DYM: variants seen among roughly 807,000 people sequenced by gnomAD.
DYM encodes the protein dymeclin.
DYM carries 78 observed loss-of-function variants against 93.1 expected under a neutral mutation model. The ratio of observed to expected loss-of-function variants is 0.84; its 90% CI spans 0.70 to 1.01. The LOEUF is 1.01. Among genes scored for constraint, DYM ranks in the 50% least tolerant of loss-of-function variants. The pLI, the probability that DYM is intolerant of heterozygous loss-of-function variation, is 0.00. For missense variants in DYM, 789 were observed against 845.0 expected (o/e 0.93, Z 0.82); for synonymous variants, 321 against 319.7 (o/e 1.00, Z -0.04).
intron 16 of DYM, among the ~76,000 whole-genome samples, chr18:49,108,874 A>G (rs1286670623): frequency 6.6e-6 from 1 of 152,100 alleles, no homozygotes; most frequent in Non-Finnish European, 1.5e-5. Context: ...TTTTTATTTC[A>G]TGCATTTCGA....
intron 15 of DYM, among the ~76,000 whole-genome samples, chr18:49,133,088 AATG>A (rs1355870807): frequency 1.3e-5 from 2 of 152,196 alleles, no homozygotes; most frequent in African/African-American, 4.8e-5. Flanking sequence ...AAAAATAACA[AATG>A]ATTATAATTC....
intron 6 of DYM, among the ~76,000 whole-genome samples, chr18:49,354,798 G>A (rs996919672): frequency 3.3e-5 from 5 of 152,108 alleles, no homozygotes; most frequent in African/African-American, 1.2e-4. Flanking sequence ...AGGATGTGGA[G>A]CAATAGGAAC....
At chr18:49,425,398 A>T (rs1303073280) in intron 2 of DYM, among the ~76,000 whole-genome samples, 2 of 152,190 alleles carry the variant, frequency 1.3e-5, no homozygotes, top group Non-Finnish European at 2.9e-5. Flanking sequence ...TTAATTCAAG[A>T]TGGATTAAAG....
chr18:49,366,730 C>G (rs2066549232), intron 5 of DYM, among the ~76,000 whole-genome samples: 1 of 152,198 alleles, frequency 6.6e-6, no homozygotes, highest in African/African-American at 2.4e-5. Flanking sequence ...TCTATAAGAT[C>G]ATATTAACAG....
intron 9 of DYM, 62 bp from the exon 10 acceptor site, chr18:49,282,237 T>C (rs1425565303): frequency 2.8e-6 from 4 of 1,417,456 alleles, no homozygotes; most frequent in Non-Finnish European, 4.0e-6. Flanking sequence ...ATAAAAATAT[T>C]GTTAAAGTAA....
intron 15 of DYM, among the ~76,000 whole-genome samples, chr18:49,147,063 T>G (rs902500009): frequency 1.1e-4 from 16 of 152,052 alleles, no homozygotes; most frequent in Non-Finnish European, 1.8e-4. Context: ...CTATCTGATC[T>G]TTGACAAACC....
At position 49,080,098 on chromosome 18, in the gene DYM, G is replaced by A. The variant is rs529363992; in HGVS notation, c.2025+17304C>T. The stretch of plus-strand genomic sequence containing the variant: ...CCCTCACCTCCCGGACGGGGCGGCT[G>A]GCCGGGCGGGGGGCTGACCCCCCCA... On this transcript the variant is annotated intron_variant, in intron 17 of 17. Coordinates refer to ENST00000675505, the MANE Select transcript of DYM (RefSeq NM_001353214.3). Among the ~76,000 whole-genome samples, 544 of 139,746 alleles carry A rather than the reference G, an allele frequency of 3.9e-3. 2 individuals carry two copies. The highest frequency in any genetic ancestry group is 5.9e-3 in the Non-Finnish European group (376 of 63,564). 91.7% of individuals were successfully genotyped at this position (139,746 alleles called of 152,430 possible).
At chr18:49,316,102 T>C (rs2061916495) in intron 8 of DYM, among the ~76,000 whole-genome samples, 1 of 152,138 alleles carries the variant, frequency 6.6e-6, no homozygotes, top group Non-Finnish European at 1.5e-5. Context: ...GCCAACACAG[T>C]GAAATCCCAT....
At chr18:49,289,372 C>A (rs1418633686) in intron 8 of DYM, among the ~76,000 whole-genome samples, 1 of 31,112 alleles carries the variant, frequency 3.2e-5, no homozygotes, top group Non-Finnish European at 7.1e-5. Flanking sequence ...ACATGCATAA[C>A]AAAAGGATTT....
chr18:49,153,451 T>C (rs920095093), intron 15 of DYM, among the ~76,000 whole-genome samples: 1 of 152,168 alleles, frequency 6.6e-6, no homozygotes, highest in Non-Finnish European at 1.5e-5. Flanking sequence ...AATTTCATGA[T>C]CCTCCTGGAG....
intron 16 of DYM, among the ~76,000 whole-genome samples, chr18:49,105,509 A>G (rs1391487171): frequency 1.3e-5 from 2 of 152,082 alleles, no homozygotes; most frequent in Non-Finnish European, 2.9e-5. Context: ...TAGGGTGTCA[A>G]TTTTAGATCT....
intron 13 of DYM, among the ~76,000 whole-genome samples, chr18:49,217,678 A>G (rs953774121): frequency 6.6e-6 from 1 of 152,208 alleles, no homozygotes; most frequent in African/African-American, 2.4e-5. Context: ...AAGGAGAAAT[A>G]AAATCCTTTA....
chr18:49,046,637 C>T (rs1296846280), intron 17 of DYM, among the ~76,000 whole-genome samples: 1 of 152,184 alleles, frequency 6.6e-6, no homozygotes, highest in Non-Finnish European at 1.5e-5. Context: ...TAGTAGCTCA[C>T]GCCTGTAATC....
intron 16 of DYM, among the ~76,000 whole-genome samples, chr18:49,104,398 C>G (rs1161869789): frequency 1.3e-5 from 2 of 152,098 alleles, no homozygotes; most frequent in Admixed American, 1.3e-4. Flanking sequence ...ATTGAATATC[C>G]TTTATTTCCT....
chr18:49,330,815 C>A (rs2063253153), intron 8 of DYM, among the ~76,000 whole-genome samples: 1 of 152,200 alleles, frequency 6.6e-6, no homozygotes, highest in Non-Finnish European at 1.5e-5. Context: ...AGAATCTATG[C>A]AGGTGTGGCA....
intron 2 of DYM, among the ~76,000 whole-genome samples, chr18:49,399,934 CTTTTT>C (rs1201370040): frequency 3.9e-4 from 26 of 66,134 alleles, no homozygotes; most frequent in Non-Finnish European, 4.9e-4. Context: ...TTTTATTTTT[CTTTTT>C]TTTTTTTTTT....
At chr18:49,052,894 A>C (rs541592251) in intron 17 of DYM, among the ~76,000 whole-genome samples, 5 of 152,350 alleles carry the variant, frequency 3.3e-5, no homozygotes, top group Admixed American at 1.3e-4. Flanking sequence ...TGGCTGGCAC[A>C]GGGCAGGGCA....
intron 16 of DYM, among the ~76,000 whole-genome samples, chr18:49,103,622 T>G (rs2022676455): frequency 2.0e-5 from 3 of 152,216 alleles, no homozygotes; most frequent in Admixed American, 2.0e-4. Flanking sequence ...GTTTCAGCTT[T>G]CTACATATGG....
intron 17 of DYM, among the ~76,000 whole-genome samples, chr18:49,072,736 T>C (rs2076990164): frequency 6.6e-6 from 1 of 152,256 alleles, no homozygotes; most frequent in Non-Finnish European, 1.5e-5. Flanking sequence ...AGTCAGCCTG[T>C]CTTTGCTTAT....
Sources: gnomAD v4.1 joint callset for allele counts (sites outside exome capture counted in the v4.1 genomes callset) on GRCh38, gnomAD v4.1.1 for gene constraint, MANE v1.5 for transcripts, NCBI Gene and HGNC (gene_info 2026-07-23, HGNC 2026-07-21) for gene names.